The following DAPK2 variants were observed in gnomAD, a reference collection of about 807,000 sequenced individuals.
The protein encoded by DAPK2 is death associated protein kinase 2.
In DAPK2, 35 loss-of-function variants were observed where a neutral mutation model predicts 44.1. That is an observed-to-expected ratio of 0.79 (90% confidence interval 0.61 to 1.05). The LOEUF is 1.05. Ranked by LOEUF, DAPK2 falls within the 50% of genes least tolerant of loss-of-function variation. The pLI, the probability that DAPK2 is intolerant of heterozygous loss-of-function variation, is 0.00. For missense variants in DAPK2, 453 were observed against 483.2 expected, an observed-to-expected ratio of 0.94 and a Z score of 0.59; for synonymous variants, 174 against 182.6, an observed-to-expected ratio of 0.95 and a Z score of 0.38.
At chr15:64,006,031 T>C (rs1241937787) in intron 1 of DAPK2, among the ~76,000 whole-genome samples, 1 of 128,692 alleles carries the variant, frequency 7.8e-6, no homozygotes, top group Non-Finnish European at 1.6e-5. Context: ...AGCCAGATCC[T>C]GACTCAAAAA....
At chr15:64,018,601 C>A (rs957116107) in intron 1 of DAPK2, among the ~76,000 whole-genome samples, 3 of 152,188 alleles carry the variant, frequency 2.0e-5, no homozygotes, top group Non-Finnish European at 4.4e-5. Flanking sequence ...CTGGGTCCCA[C>A]AACCCAGGCC....
rs1032633268 is a variant in DAPK2, at chr15:63,939,463, G to T, written c.454-102C>A. On this transcript the variant is annotated intron_variant, in intron 3 of 10. Coordinates refer to ENST00000261891, the Ensembl canonical transcript of DAPK2. This position sits in a 1 kb window ranked among gnomAD's most constrained non-coding sequence, Gnocchi z 4.3. ...TTCGTGTTTTGGCTTTGGGGTTTGGGGTGGGACTTGGTGTTCTTTTTAGGA... is the reference window on the plus strand; with the variant it reads ...TTCGTGTTTTGGCTTTGGGGTTTGGTGTGGGACTTGGTGTTCTTTTTAGGA... The T allele has an allele frequency of 1.8e-6, 2 of 1,092,124 alleles. No homozygotes were observed. Among genetic ancestry groups the T allele is most frequent in the Non-Finnish European group, 2.6e-6 (2 of 773,846 alleles). 67.7% of individuals were successfully genotyped at this position (1,092,124 alleles called of 1,614,324 possible).
At position 64,004,612 on chromosome 15, in the gene DAPK2, G is replaced by A. The variant is rs866202067; in HGVS notation, c.93-20858C>T. 2.1e-4 allele frequency among the ~76,000 whole-genome samples: 32 copies of A among 152,310 alleles called. No homozygotes were observed. In the Middle Eastern group the frequency reaches 0.01, roughly 49 times the overall value. On this transcript the variant is annotated intron_variant, in intron 1 of 10. Transcript: ENST00000261891. ...CCCCTCTTCAAGGGTGGAGATAGGG[G>A]TCTCTGCTAGGCCTCAATGGAAACT...
intron 1 of DAPK2, among the ~76,000 whole-genome samples, chr15:63,994,805 G>T (rs1476618359): frequency 6.6e-6 from 1 of 151,954 alleles, no homozygotes; most frequent in Non-Finnish European, 1.5e-5. Context: ...GGCCAGGCTG[G>T]TTTCGAACTC....
intron 3 of DAPK2, among the ~76,000 whole-genome samples, chr15:63,965,474 C>T (rs922629161): frequency 1.9e-4 from 29 of 152,196 alleles, no homozygotes; most frequent in African/African-American, 7.0e-4. Flanking sequence ...GCTATGTTTG[C>T]TCAAGGCCCT....
At chr15:63,934,725 T>C (rs2077088464) in intron 4 of DAPK2, among the ~76,000 whole-genome samples, 1 of 151,088 alleles carries the variant, frequency 6.6e-6, no homozygotes, top group African/African-American at 2.4e-5. Flanking sequence ...GCCTGGCTAA[T>C]TTTTTGTATT....
intron 1 of DAPK2, among the ~76,000 whole-genome samples, chr15:63,999,775 A>AT (rs201795718): frequency 2.4e-3 from 362 of 150,378 alleles, no homozygotes; most frequent in African/African-American, 8.4e-3. Flanking sequence ...TTATTTTTTT[A>AT]TTTTTTTTGA....
chr15:64,034,283 G>A (rs922659083), intron 1 of DAPK2, among the ~76,000 whole-genome samples: 1 of 152,136 alleles, frequency 6.6e-6, no homozygotes, highest in African/African-American at 2.4e-5. Flanking sequence ...AGGTGTCCTG[G>A]CTAAGCTGAA....
chr15:64,016,838 G>GGGAAGGAAGGAGGGAAGGAA (rs1158360085), intron 1 of DAPK2, among the ~76,000 whole-genome samples: 22 of 118,162 alleles, frequency 1.9e-4, no homozygotes, highest in African/African-American at 5.3e-4. Flanking sequence ...GAAGGAAGGA[G>GGGAAGGAAGGAGGGAAGGAA]GGAAGGAAGG....
At chr15:63,989,087 T>C (rs1331213862) in intron 1 of DAPK2, among the ~76,000 whole-genome samples, 1 of 148,080 alleles carries the variant, frequency 6.8e-6, no homozygotes, top group Non-Finnish European at 1.5e-5. Flanking sequence ...GGCTGAGGTA[T>C]GAAAATCACT....
chr15:63,933,276 T>C (rs1201746386), intron 4 of DAPK2, among the ~76,000 whole-genome samples: 5 of 152,250 alleles, frequency 3.3e-5, no homozygotes. Flanking sequence ...AGAGTTTCAC[T>C]CTTTTTGCCC....
intron 1 of DAPK2, among the ~76,000 whole-genome samples, chr15:64,024,357 A>G (rs376501985): frequency 1.4e-4 from 22 of 152,204 alleles, no homozygotes; most frequent in Admixed American, 3.9e-4. Flanking sequence ...AGATGTGAGC[A>G]TGCCCTGGGG....
At chr15:64,029,651 G>A (rs1215665740) in intron 1 of DAPK2, 1 of 152,288 alleles carries the variant, frequency 6.6e-6, no homozygotes, top group East Asian at 1.9e-4. Context: ...CAAGGTCTAA[G>A]CCCTAAGTCT....
upstream of DAPK2, among the ~76,000 whole-genome samples, chr15:64,041,341 C>G (rs934248011): frequency 2.0e-5 from 3 of 152,196 alleles, no homozygotes; most frequent in African/African-American, 7.2e-5. Flanking sequence ...CCAACTCTGC[C>G]TGCCCCAGGC....
chr15:63,921,071 T>C (rs1328494090), intron 8 of DAPK2: 1 of 152,274 alleles, frequency 6.6e-6, no homozygotes, highest in East Asian at 1.9e-4. Context: ...TCTGTGATTC[T>C]TGGTCAATGT....
At chr15:63,985,971 TC>T (rs2078657348) in intron 1 of DAPK2, among the ~76,000 whole-genome samples, 1 of 152,176 alleles carries the variant, frequency 6.6e-6, no homozygotes, top group African/African-American at 2.4e-5. Context: ...CATCTTTCCC[TC>T]CCCAAAAGGA....
intron 8 of DAPK2, chr15:63,921,155 G>A (rs1273226504): frequency 6.6e-6 from 1 of 152,266 alleles, no homozygotes; most frequent in African/African-American, 2.4e-5. Flanking sequence ...TGTATCCCCA[G>A]AGTCAAGCCG....
chr15:63,961,751 C>T (rs1380371473), intron 3 of DAPK2, among the ~76,000 whole-genome samples: 1 of 152,160 alleles, frequency 6.6e-6, no homozygotes, highest in Non-Finnish European at 1.5e-5. Context: ...GTAACCCGAC[C>T]TTTCTCTCTG....
chr15:64,008,257 G>A (rs1003638253), intron 1 of DAPK2, among the ~76,000 whole-genome samples: 1 of 152,086 alleles, frequency 6.6e-6, no homozygotes, highest in African/African-American at 2.4e-5. Flanking sequence ...GCTTTCACCA[G>A]GTGATATCAA....
Sources: gnomAD v4.1 joint callset for allele counts (sites outside exome capture counted in the v4.1 genomes callset) on GRCh38, gnomAD v4.1.1 for gene constraint, Gnocchi (gnomAD v3.1) non-coding constraint, MANE v1.5 for transcripts, NCBI Gene and HGNC (gene_info 2026-07-23, HGNC 2026-07-21) for gene names.